MACROD2: variants seen among roughly 807,000 people sequenced by gnomAD.
MACROD2 encodes the protein ADP-ribose glycohydrolase MACROD2.
MACROD2 carries 36 observed loss-of-function variants against 70.4 expected under a neutral mutation model. The observed-to-expected ratio is 0.51, with a 90% confidence interval of 0.39 to 0.68. MACROD2 has a LOEUF of 0.68. Ranked by LOEUF, MACROD2 falls within the 30% of genes least tolerant of loss-of-function variation. MACROD2 has a pLI of 0.00. For missense variants in MACROD2, 496 were observed against 538.4 expected, an observed-to-expected ratio of 0.92 and a Z score of 0.78; for synonymous variants, 172 against 178.8, an observed-to-expected ratio of 0.96 and a Z score of 0.30.
intron 8 of MACROD2, among the ~76,000 whole-genome samples, chr20:15,517,709 C>T (rs551139947): frequency 2.0e-5 from 3 of 152,294 alleles, no homozygotes; most frequent in Non-Finnish European, 2.9e-5. Flanking sequence ...AATCCAGGAG[C>T]GTTTACTGCA....
rs543958532 is a variant in MACROD2 at position 14,696,047 on chromosome 20, T to C, written c.418+11088T>C. Among the ~76,000 whole-genome samples the C allele has an allele frequency of 4.6e-5, 7 of 152,250 alleles. No homozygotes were observed. In the East Asian group the frequency reaches 7.7e-4, roughly 17 times the overall value. On this transcript the variant is annotated intron_variant, in intron 5 of 17. Coordinates refer to ENST00000684519, the MANE Select transcript of MACROD2 (RefSeq NM_001351661.2). ...TGCCTGTGTCAGAGACAGGCCTAAA[T>C]TGGAAAATGAAAGCCAAATCACATG...
intron 8 of MACROD2, among the ~76,000 whole-genome samples, chr20:15,595,706 C>T (rs950393951): frequency 3.3e-5 from 5 of 152,004 alleles, no homozygotes; most frequent in African/African-American, 1.2e-4. Flanking sequence ...AAAAATTACA[C>T]ATATATACAA....
chr20:15,713,492 G>A (rs1365599532), intron 8 of MACROD2, among the ~76,000 whole-genome samples: 1 of 152,100 alleles, frequency 6.6e-6, no homozygotes, highest in African/African-American at 2.4e-5. Context: ...TACAATCATG[G>A]CAGAATGCAA....
intron 6 of MACROD2, among the ~76,000 whole-genome samples, chr20:15,299,133 A>G (rs1183013927): frequency 6.6e-6 from 1 of 152,120 alleles, no homozygotes; most frequent in Non-Finnish European, 1.5e-5. Context: ...TTTTTCTAAC[A>G]CTGTTGCCTC....
intron 5 of MACROD2, among the ~76,000 whole-genome samples, chr20:14,751,066 T>A (rs2123735907): frequency 1.3e-5 from 2 of 152,258 alleles, no homozygotes; most frequent in Non-Finnish European, 2.9e-5. Context: ...AAAGAGTACA[T>A]TCAACCAAAC....
intron 10 of MACROD2, among the ~76,000 whole-genome samples, chr20:15,920,375 G>T (rs373546720): frequency 2.6e-5 from 4 of 152,084 alleles, no homozygotes; most frequent in Non-Finnish European, 5.9e-5. Flanking sequence ...ACAAGATCAC[G>T]AAAGGAAAAA....
chr20:14,683,067 C>T (rs1243398280), intron 4 of MACROD2, among the ~76,000 whole-genome samples: 9 of 151,898 alleles, frequency 5.9e-5, no homozygotes, highest in South Asian at 2.1e-4. Flanking sequence ...TTAGTAGAGA[C>T]GGGGTTTCTC....
chr20:15,073,604 T>A (rs2075635865), intron 5 of MACROD2, among the ~76,000 whole-genome samples: 3 of 151,984 alleles, frequency 2.0e-5, no homozygotes. Context: ...AGAATCATAA[T>A]TCTCCTTATG....
At chr20:14,682,518 A>G (rs1345391032) in intron 4 of MACROD2, among the ~76,000 whole-genome samples, 1 of 151,810 alleles carries the variant, frequency 6.6e-6, no homozygotes, top group Admixed American at 6.6e-5. Context: ...ACGTGTGTGT[A>G]TATAATGTTG....
chr20:15,346,514 C>T (rs891472264), intron 6 of MACROD2, among the ~76,000 whole-genome samples: 1 of 152,154 alleles, frequency 6.6e-6, no homozygotes, highest in Non-Finnish European at 1.5e-5. Flanking sequence ...GAACTAGGCT[C>T]TTTCCATTCT....
chr20:15,139,147 C>T (rs1359616915), intron 5 of MACROD2, among the ~76,000 whole-genome samples: 1 of 152,174 alleles, frequency 6.6e-6, no homozygotes, highest in South Asian at 2.1e-4. Flanking sequence ...ATCTGCTCAT[C>T]CATGCTTATA....
intron 8 of MACROD2, among the ~76,000 whole-genome samples, chr20:15,797,308 G>A (rs2147065727): frequency 6.6e-6 from 1 of 152,224 alleles, no homozygotes; most frequent in African/African-American, 2.4e-5. Context: ...GTAGAGACGG[G>A]GTTTCACCGA....
intron 2 of MACROD2, among the ~76,000 whole-genome samples, chr20:14,046,645 A>G (rs561572832): frequency 1.3e-4 from 20 of 152,232 alleles, no homozygotes; most frequent in African/African-American, 4.6e-4. Flanking sequence ...CAGGCAGTAC[A>G]TTGTGATCTG....
intron 3 of MACROD2, among the ~76,000 whole-genome samples, chr20:14,346,513 G>A (rs892170843): frequency 6.6e-6 from 1 of 152,174 alleles, no homozygotes; most frequent in African/African-American, 2.4e-5. Context: ...GCTCGTTCAA[G>A]CACCTATTTA....
chr20:15,059,759 C>T (rs1286486174), intron 5 of MACROD2, among the ~76,000 whole-genome samples: 2 of 152,170 alleles, frequency 1.3e-5, no homozygotes, highest in African/African-American at 4.8e-5. Flanking sequence ...CAAAAGAGAA[C>T]AGAATTTTTT....
chr20:15,933,454 T>A, intron 11 of MACROD2, 116 bp downstream of exon 11: 5 of 932,004 alleles, frequency 5.4e-6, no homozygotes, highest in Non-Finnish European at 8.0e-6. Flanking sequence ...TGAACTCCAG[T>A]GTTCATTCAG....
chr20:14,953,013 T>C (rs757793539), intron 5 of MACROD2, among the ~76,000 whole-genome samples: 6 of 152,044 alleles, frequency 3.9e-5, no homozygotes, highest in Non-Finnish European at 8.8e-5. Context: ...TGAATATGCT[T>C]TTTACAAGGA....
At chr20:14,718,979 A>G (rs1600582881) in intron 5 of MACROD2, among the ~76,000 whole-genome samples, 1 of 152,146 alleles carries the variant, frequency 6.6e-6, no homozygotes. Flanking sequence ...CACGTCTGTA[A>G]TCCTAACACT....
intron 4 of MACROD2, among the ~76,000 whole-genome samples, chr20:14,501,823 G>A (rs543751580): frequency 5.3e-5 from 8 of 152,130 alleles, no homozygotes; most frequent in Middle Eastern, 3.2e-3. Flanking sequence ...CTCTCACTGT[G>A]TTGGGCTAGC....
Sources: allele counts gnomAD v4.1 joint callset (sites outside exome capture counted in the v4.1 genomes callset), GRCh38; gene constraint gnomAD v4.1.1; transcripts MANE v1.5; gene names NCBI Gene and HGNC (gene_info 2026-07-23, HGNC 2026-07-21).